Variants in PREX2 observed in about 807,000 individuals in gnomAD.
The protein encoded by PREX2 is phosphatidylinositol-3,4,5-trisphosphate dependent Rac exchange factor 2, also known as phosphatidylinositol 3,4,5-trisphosphate-dependent Rac exchanger 2 protein.
PREX2 carries 107 observed loss-of-function variants against 203.2 expected under a neutral mutation model. The observed-to-expected ratio is 0.53, with a 90% CI of 0.45 to 0.62. PREX2 has a LOEUF of 0.62. Among genes scored for constraint, PREX2 ranks in the 20% least tolerant of loss-of-function variants. The pLI is 0.00. For missense variants in PREX2, 1,777 were observed against 1,955.9 expected, an observed-to-expected ratio of 0.91 and a Z score of 1.72; for synonymous variants, 672 against 663.6, an observed-to-expected ratio of 1.01 and a Z score of -0.19.
intron 35 of PREX2, among the ~76,000 whole-genome samples, chr8:68,169,955 A>G (rs1266091909): frequency 6.6e-6 from 1 of 152,226 alleles, no homozygotes; most frequent in East Asian, 1.9e-4. Context: ...GCAGTGAAGA[A>G]AATATAAAAC....
At chr8:67,975,390 C>G (rs1057426505) in intron 1 of PREX2, among the ~76,000 whole-genome samples, 1 of 145,740 alleles carries the variant, frequency 6.9e-6, no homozygotes, top group African/African-American at 2.5e-5. Flanking sequence ...TTTTTATTCT[C>G]TATAACTAAT....
chr8:68,164,903 T>TTTA (rs1199131400), intron 35 of PREX2, among the ~76,000 whole-genome samples: 5 of 150,626 alleles, frequency 3.3e-5, no homozygotes, highest in South Asian at 2.1e-4. Flanking sequence ...TTTTTTTTTT[T>TTTA]ACCAAAGGCA....
chr8:68,102,989 G>A (rs762891111), intron 23 of PREX2: 10 of 511,820 alleles, frequency 2.0e-5, no homozygotes, highest in African/African-American at 1.2e-4. Flanking sequence ...TCCTGGAAAC[G>A]CTTCTTTGTT....
rs531566286 is a variant in PREX2, at chr8:68,228,478, A to C, written c.4776-2855A>C. Reference sequence around the variant, plus strand: ...TCTTTACATAAAATAAAAAATAAAAAATGGCCGGGTGCATAGGCTCACGCC... The same window carrying C: ...TCTTTACATAAAATAAAAAATAAAACATGGCCGGGTGCATAGGCTCACGCC... On this transcript the variant is annotated intron_variant, in intron 39 of 39. Transcript: ENST00000288368. Among the ~76,000 whole-genome samples, 6 of 152,090 alleles carry C rather than the reference A, an allele frequency of 3.9e-5. No individual in the cohort carries two copies. In the South Asian group the frequency reaches 1.2e-3, roughly 32 times the overall value.
At chr8:68,218,094 GA>G in intron 38 of PREX2, among the ~76,000 whole-genome samples, 1 of 152,198 alleles carries the variant, frequency 6.6e-6, no homozygotes, top group East Asian at 1.9e-4. Flanking sequence ...CAGCAAGGAA[GA>G]AGAGGAAAGA....
At chr8:68,071,987 C>T (rs73255809) in intron 13 of PREX2, among the ~76,000 whole-genome samples, 2,880 of 152,096 alleles carry the variant, frequency 0.019, 99 homozygotes, top group African/African-American at 0.066. Flanking sequence ...TTTATTAATA[C>T]GATGTACAGT....
At chr8:68,184,992 A>C (rs913872604) in intron 35 of PREX2, among the ~76,000 whole-genome samples, 9 of 152,184 alleles carry the variant, frequency 5.9e-5, no homozygotes, top group Admixed American at 2.6e-4. Context: ...ATGTTAACTT[A>C]CATAACTGTC....
intron 37 of PREX2, among the ~76,000 whole-genome samples, chr8:68,195,838 T>C (rs571288625): frequency 7.0e-4 from 107 of 152,352 alleles, no homozygotes; most frequent in African/African-American, 2.3e-3. Context: ...TGGACAGAAA[T>C]AGGATCTAAA....
intron 34 of PREX2, among the ~76,000 whole-genome samples, chr8:68,148,114 G>A (rs1811363760): frequency 6.6e-6 from 1 of 152,100 alleles, no homozygotes; most frequent in Admixed American, 6.6e-5. Context: ...AGGTGTGTTG[G>A]TATGCGCCTG....
intron 9 of PREX2, among the ~76,000 whole-genome samples, chr8:68,053,786 G>A (rs956529567): frequency 1.3e-5 from 2 of 152,152 alleles, no homozygotes; most frequent in Admixed American, 1.3e-4. Context: ...TTAGGTCTTT[G>A]AATATAGTAT....
At chr8:68,186,446 G>A (rs1258295105) in intron 35 of PREX2, among the ~76,000 whole-genome samples, 1 of 152,160 alleles carries the variant, frequency 6.6e-6, no homozygotes, top group African/African-American at 2.4e-5. Flanking sequence ...TTTAAAAAAT[G>A]TGTAAAAAAA....
intron 19 of PREX2, among the ~76,000 whole-genome samples, chr8:68,090,271 A>T (rs747187808): frequency 6.6e-6 from 1 of 152,242 alleles, no homozygotes; most frequent in South Asian, 2.1e-4. Context: ...TTATATATGC[A>T]TATTTAGAAA....
chr8:67,978,296 C>T (rs1025745999), intron 1 of PREX2, among the ~76,000 whole-genome samples: 2 of 152,108 alleles, frequency 1.3e-5, no homozygotes, highest in Non-Finnish European at 2.9e-5. Context: ...CATATCCTTA[C>T]ACCTGTGTAA....
intron 37 of PREX2, among the ~76,000 whole-genome samples, chr8:68,198,398 T>C (rs773913249): frequency 6.6e-6 from 1 of 152,242 alleles, no homozygotes; most frequent in Non-Finnish European, 1.5e-5. Context: ...GAGTCAGCAC[T>C]GTGGCTTTTC....
At chr8:68,023,581 A>G (rs1807630427) in intron 4 of PREX2, among the ~76,000 whole-genome samples, 1 of 152,128 alleles carries the variant, frequency 6.6e-6, no homozygotes, top group African/African-American at 2.4e-5. Context: ...GTTCATTTTT[A>G]AAGTATCATC....
chr8:68,146,305 T>C lies in PREX2; in HGVS notation c.4184T>C (p.Leu1395Pro), dbSNP rs1015335363. Residue 1395 changes from leucine to proline, a missense_variant, in exon 34 of 40, where the codon CTG becomes CCG. Coordinates refer to ENST00000288368, the MANE Select transcript of PREX2 (RefSeq NM_024870.4). The part of the protein sequence containing the change: ...SYHFEQLPQR[L>P]KNGGGFKIHP... ...CATTTTGAACAACTTCCTCAACGGC[T>C]GAAAAATGGAGGAGGGTTTAAAATT... 9 of 1,612,990 alleles carry C rather than the reference T, an allele frequency of 5.6e-6. No homozygotes were observed. The highest frequency in any genetic ancestry group is 7.6e-6 in the Non-Finnish European group (9 of 1,179,452).
intron 25 of PREX2, among the ~76,000 whole-genome samples, chr8:68,110,541 T>C (rs1434415517): frequency 6.6e-6 from 1 of 152,208 alleles, no homozygotes; most frequent in African/African-American, 2.4e-5. Flanking sequence ...AATACTGTTA[T>C]CTTCTTTTTA....
At chr8:68,114,827 C>T (rs1216867937) in intron 25 of PREX2, among the ~76,000 whole-genome samples, 1 of 152,048 alleles carries the variant, frequency 6.6e-6, no homozygotes, top group Admixed American at 6.5e-5. Flanking sequence ...ATAGACAATC[C>T]AATATTCTCC....
At chr8:68,109,085 A>G (rs2129612819) in intron 24 of PREX2, 11 of 434,880 alleles carry the variant, frequency 2.5e-5, no homozygotes, top group South Asian at 1.8e-4. Flanking sequence ...GTCAAAGGAT[A>G]TAAAATTTCA....
Sources: gnomAD v4.1 joint callset for allele counts (sites outside exome capture counted in the v4.1 genomes callset) on GRCh38, gnomAD v4.1.1 for gene constraint, MANE v1.5 for transcripts, NCBI Gene and HGNC (gene_info 2026-07-23, HGNC 2026-07-21) for gene names.